The following ZBTB43 variants were observed in gnomAD, a reference collection of about 807,000 sequenced individuals.
ZBTB43 encodes the protein zinc finger and BTB domain containing 43, also known as zinc finger and BTB domain-containing protein 43.
In ZBTB43, 6 loss-of-function variants were observed where a neutral mutation model predicts 31.1. The ratio of observed to expected loss-of-function variants is 0.19; its 90% CI spans 0.11 to 0.38. ZBTB43 has a LOEUF of 0.38. Ranked by LOEUF, ZBTB43 falls within the 10% of genes least tolerant of loss-of-function variation. ZBTB43 has a pLI of 1.00. For synonymous variants in ZBTB43, 212 were observed against 221.7 expected, an observed-to-expected ratio of 0.96 and a Z score of 0.39; for missense variants, 379 against 602.1, an observed-to-expected ratio of 0.63 and a Z score of 3.88.
At chr9:126,814,319 CTGTAAAA>C (rs2032321440) in intron 2 of ZBTB43, among the ~76,000 whole-genome samples, 9 of 151,530 alleles carry the variant, frequency 5.9e-5, no homozygotes, top group Admixed American at 1.3e-4. Context: ...AAATTTACAT[CTGTAAAA>C]TGTAAATTTT....
chr9:126,828,205 A>T (rs1206709189), intron 2 of ZBTB43, among the ~76,000 whole-genome samples: 2 of 151,022 alleles, frequency 1.3e-5, no homozygotes, highest in Non-Finnish European at 2.9e-5. Context: ...TTTTTTTGAG[A>T]TGGAGTCTTG....
At chr9:126,826,454 C>CCTT (rs2032639046) in intron 2 of ZBTB43, among the ~76,000 whole-genome samples, 5 of 53,576 alleles carry the variant, frequency 9.3e-5, no homozygotes, top group East Asian at 9.9e-4. Flanking sequence ...GCCCCCCCGC[C>CCTT]TTTTTTTTTT....
chr9:126,828,636 A>ATTATTATT (rs1554742709), intron 2 of ZBTB43, among the ~76,000 whole-genome samples: 3 of 129,342 alleles, frequency 2.3e-5, no homozygotes, highest in African/African-American at 9.3e-5. Context: ...TCTAAATAAT[A>ATTATTATT]ATAATAATAA....
intron 2 of ZBTB43, 45 bp from the exon 3 acceptor site, chr9:126,832,442 T>TGA (rs2032784208): frequency 6.6e-7 from 1 of 1,519,764 alleles, no homozygotes; most frequent in Non-Finnish European, 8.9e-7. Context: ...TAAAATAAGT[T>TGA]TATCTTTGGG....
chr9:126,828,416 C>T (rs889701551), intron 2 of ZBTB43, among the ~76,000 whole-genome samples: 1 of 151,608 alleles, frequency 6.6e-6, no homozygotes, highest in Non-Finnish European at 1.5e-5. Flanking sequence ...ATCTCCTGAC[C>T]TCGCAATCCA....
rs934692260 is a variant in ZBTB43, at chr9:126,826,622, C to A, written c.-23-5865C>A. ...GGGACTACAGGCGCCCGCCACCACG[C>A]CTGGCTAATTTTTTGTATTTTTTAG... On this transcript the variant is annotated intron_variant, in intron 2 of 2. Coordinates refer to ENST00000373464, the MANE Select transcript of ZBTB43 (RefSeq NM_014007.4). Among the ~76,000 whole-genome samples, 7 of 151,972 alleles carry A rather than the reference C, an allele frequency of 4.6e-5. 1 individual carries two copies. Among genetic ancestry groups the A allele is most frequent in the Admixed American group, 4.6e-4 (7 of 15,246 alleles).
chr9:126,826,454 CTTTTTTTTTTTT>C (rs35094731), intron 2 of ZBTB43, among the ~76,000 whole-genome samples: 6 of 53,574 alleles, frequency 1.1e-4, no homozygotes, highest in Admixed American at 3.3e-4. Flanking sequence ...GCCCCCCCGC[CTTTTTTTTTTTT>C]TTTTTTTTTT....
rs777276104 is a variant in ZBTB43 at position 126,833,427 on chromosome 9, T to C, written c.918T>C (p.Ala306=). The part of the protein sequence containing the change: ...KKVEAEFDEQ[A]DESNYDEQVD... ...TGGAAGCTGAGTTTGATGAACAGGCTGATGAAAGCAATTATGATGAGCAGG... is the reference window on the plus strand; with the variant it reads ...TGGAAGCTGAGTTTGATGAACAGGCCGATGAAAGCAATTATGATGAGCAGG... Residue 306 remains alanine (A), a synonymous_variant, in exon 3 of 3, where the codon GCT becomes GCC. Coordinates refer to ENST00000373464, the MANE Select transcript of ZBTB43 (RefSeq NM_014007.4). This position sits in a 1 kb window ranked among gnomAD's most constrained non-coding sequence, Gnocchi z 7.9. 15 of 1,614,126 alleles carry C rather than the reference T, an allele frequency of 9.3e-6. No homozygotes were observed. The East Asian group carries it at 3.3e-4, about 36-fold the overall frequency.
chr9:126,807,554 T>G (rs2032153589), intron 1 of ZBTB43, among the ~76,000 whole-genome samples: 3 of 152,228 alleles, frequency 2.0e-5, no homozygotes, highest in Admixed American at 2.0e-4. Flanking sequence ...TTCAGGAATT[T>G]TAAAATGTGA....
chr9:126,805,245 A>G (rs898592095), intron 1 of ZBTB43, 113 bp downstream of exon 1: 1 of 152,646 alleles, frequency 6.6e-6, no homozygotes. Flanking sequence ...CGCCAGGCCC[A>G]TTCCGTGGAC....
chr9:126,821,531 CAA>C (rs1361661193), intron 2 of ZBTB43, among the ~76,000 whole-genome samples: 7 of 152,020 alleles, frequency 4.6e-5, no homozygotes, highest in African/African-American at 1.7e-4. Flanking sequence ...TTGAGGGGCT[CAA>C]GACTTAAGTG....
chr9:126,805,880 C>T (rs1322578709), intron 1 of ZBTB43, among the ~76,000 whole-genome samples: 1 of 152,170 alleles, frequency 6.6e-6, no homozygotes, highest in African/African-American at 2.4e-5. Context: ...GCAGGGCTGC[C>T]CAGACCTCTG....
intron 2 of ZBTB43, among the ~76,000 whole-genome samples, chr9:126,820,154 T>C (rs1039109680): frequency 5.9e-5 from 9 of 152,344 alleles, no homozygotes; most frequent in African/African-American, 1.9e-4. Flanking sequence ...AAAATCTAGC[T>C]AAGATAATTG....
chr9:126,827,936 G>A (rs542943591), intron 2 of ZBTB43, among the ~76,000 whole-genome samples: 56 of 152,102 alleles, frequency 3.7e-4, no homozygotes, highest in South Asian at 1.2e-3. Flanking sequence ...TCAATCGCTT[G>A]AACCCAGGAG....
rs762347840 is a variant in ZBTB43 at position 126,835,211 on chromosome 9, G to A, written c.*1298G>A. The A allele has an allele frequency of 2.4e-5, 4 of 166,410 alleles. No individual in the cohort carries two copies. The highest frequency in any genetic ancestry group is 4.9e-5 in the African/African-American group (2 of 41,182). The allele number at this position is 166,410 out of a possible 1,614,324, so 10.3% of individuals were successfully genotyped here. ...TAAACTTAAAAGTCCACAAAGCTACGCCGACCAGAAAAAAAAAATTAAAAA... is the reference window on the plus strand; with the variant it reads ...TAAACTTAAAAGTCCACAAAGCTACACCGACCAGAAAAAAAAAATTAAAAA... On this transcript the variant is annotated 3_prime_UTR_variant, in exon 3 of 3. Transcript: ENST00000373464.
Position 126,827,869 on chromosome 9 carries a change from C to T in ZBTB43, c.-23-4618C>T, listed in dbSNP as rs141673101. ...CTAAACAAAAAAATACAAAATTAGC[C>T]GGGCATGGTGGCACATGCCTGTAAT... is the stretch of plus-strand genomic sequence containing the variant. On this transcript the variant is annotated intron_variant, in intron 2 of 2. Transcript: ENST00000373464. Among the ~76,000 whole-genome samples the T allele has an allele frequency of 4.9e-3, 746 of 152,108 alleles. 7 individuals carry two copies. The highest frequency in any genetic ancestry group is 0.017 in the African/African-American group (707 of 41,496).
chr9:126,814,581 CAGG>C (rs1430100797), intron 2 of ZBTB43, among the ~76,000 whole-genome samples: 7 of 151,942 alleles, frequency 4.6e-5, no homozygotes, highest in African/African-American at 1.7e-4. Flanking sequence ...ATCACGAGGT[CAGG>C]AGATCGAGAC....
intron 2 of ZBTB43, among the ~76,000 whole-genome samples, chr9:126,816,197 C>T (rs1465075715): frequency 1.3e-5 from 2 of 152,130 alleles, no homozygotes; most frequent in African/African-American, 2.4e-5. Flanking sequence ...TCTCTGTTCT[C>T]CTGCTTTATC....
rs547044895 is a variant in ZBTB43 at position 126,810,901 on chromosome 9, G to A, written c.-24+1986G>A. 5.9e-5 allele frequency among the ~76,000 whole-genome samples: 9 copies of A among 151,794 alleles called. No homozygotes were observed. In the South Asian group the frequency reaches 1.3e-3, roughly 21 times the overall value. On this transcript the variant is annotated intron_variant, in intron 2 of 2. Transcript: ENST00000373464. Reference sequence around the variant, plus strand: ...GATTATTTGTGAAAATGATATTCACGTTTACTTTCCATACTCTGAAACTAT... The same window carrying A: ...GATTATTTGTGAAAATGATATTCACATTTACTTTCCATACTCTGAAACTAT...
Sources: gnomAD v4.1 joint callset for allele counts (sites outside exome capture counted in the v4.1 genomes callset) on GRCh38, gnomAD v4.1.1 for gene constraint, Gnocchi (gnomAD v3.1) non-coding constraint, MANE v1.5 for transcripts, NCBI Gene and HGNC (gene_info 2026-07-23, HGNC 2026-07-21) for gene names.